The following NTNG1 variants were observed in gnomAD, a reference collection of about 807,000 sequenced individuals.
The protein encoded by NTNG1 is netrin G1, also known as netrin-G1.
NTNG1 carries 16 observed loss-of-function variants against 54.0 expected under a neutral mutation model. The observed-to-expected ratio is 0.30, with a 90% CI of 0.20 to 0.45. The LOEUF (loss-of-function observed/expected upper bound fraction) is 0.45, where lower values mean the gene tolerates loss of function less well. NTNG1 is among the 20% of genes least tolerant of loss of function. The pLI is 1.00. For missense variants in NTNG1, 530 were observed against 678.7 expected, an observed-to-expected ratio of 0.78 and a Z score of 2.43; for synonymous variants, 255 against 263.1, an observed-to-expected ratio of 0.97 and a Z score of 0.30.
intron 2 of NTNG1, among the ~76,000 whole-genome samples, chr1:107,157,396 A>C (rs1655080753): frequency 6.6e-6 from 1 of 152,188 alleles, no homozygotes; most frequent in African/African-American, 2.4e-5. Context: ...TCCACCAGAA[A>C]GATAGAGAAA....
intron 5 of NTNG1, among the ~76,000 whole-genome samples, chr1:107,424,008 T>TA (rs1189439468): frequency 6.6e-6 from 1 of 152,154 alleles, no homozygotes; most frequent in East Asian, 1.9e-4. Flanking sequence ...GTTCTGTAGT[T>TA]ATAATTGTGC....
At chr1:107,323,982 TAGAC>T (rs1416386275) in intron 2 of NTNG1, among the ~76,000 whole-genome samples, 4 of 152,096 alleles carry the variant, frequency 2.6e-5, no homozygotes, top group Admixed American at 2.0e-4. Context: ...ATTGAGCTGT[TAGAC>T]AGTTGCTCGG....
At chr1:107,147,489 A>T (rs1654213738) in intron 1 of NTNG1, among the ~76,000 whole-genome samples, 1 of 151,882 alleles carries the variant, frequency 6.6e-6, no homozygotes, top group Admixed American at 6.6e-5. Flanking sequence ...GAGCCAACTT[A>T]TCTTTATTAC....
rs375088247 is a variant in NTNG1, at chr1:107,352,753, C to T, written c.887+27831C>T. ...GCTCACGAGGTCAGGAGTTCTTACA[C>T]ACTCTCTTTGTAATATGCCTGTTCC... is the stretch of plus-strand genomic sequence containing the variant. On this transcript the variant is annotated intron_variant, in intron 3 of 7. Coordinates refer to ENST00000370068, the MANE Select transcript of NTNG1 (RefSeq NM_001113226.3). Among the ~76,000 whole-genome samples, 6 of 152,356 alleles carry T rather than the reference C, an allele frequency of 3.9e-5. No homozygotes were observed. The East Asian group carries it at 9.6e-4, about 24-fold the overall frequency.
intron 2 of NTNG1, among the ~76,000 whole-genome samples, chr1:107,322,652 T>A (rs1475101215): frequency 6.6e-6 from 1 of 152,062 alleles, no homozygotes; most frequent in Non-Finnish European, 1.5e-5. Flanking sequence ...GAACAGAAAC[T>A]TATTTCCCCC....
At chr1:107,450,427 TG>T (rs1676554177) in intron 7 of NTNG1, among the ~76,000 whole-genome samples, 1 of 152,114 alleles carries the variant, frequency 6.6e-6, no homozygotes. Flanking sequence ...TGTCAGAGTA[TG>T]GGCACGCAGT....
At chr1:107,162,657 G>T (rs963785819) in intron 2 of NTNG1, among the ~76,000 whole-genome samples, 8 of 152,050 alleles carry the variant, frequency 5.3e-5, no homozygotes, top group African/African-American at 1.9e-4. Flanking sequence ...TACACAGGGG[G>T]CAACAAATTT....
intron 3 of NTNG1, among the ~76,000 whole-genome samples, chr1:107,362,060 G>A (rs116840202): frequency 0.017 from 2,524 of 152,050 alleles, 66 homozygotes; most frequent in African/African-American, 0.053. Flanking sequence ...GCACTCCCTC[G>A]TCTCATGCTC....
At chr1:107,402,139 T>G (rs1673079565) in intron 4 of NTNG1, among the ~76,000 whole-genome samples, 1 of 152,206 alleles carries the variant, frequency 6.6e-6, no homozygotes, top group African/African-American at 2.4e-5. Flanking sequence ...GTGTTCAGAT[T>G]ATTCAAGTCC....
intron 2 of NTNG1, among the ~76,000 whole-genome samples, chr1:107,219,554 A>T (rs1053424347): frequency 1.3e-5 from 2 of 152,140 alleles, no homozygotes; most frequent in Admixed American, 1.3e-4. Flanking sequence ...CAAAGGGAAG[A>T]TATAGGACTT....
chr1:107,234,837 A>G (rs1435626802), intron 2 of NTNG1, among the ~76,000 whole-genome samples: 4 of 152,222 alleles, frequency 2.6e-5, no homozygotes, highest in Non-Finnish European at 5.9e-5. Flanking sequence ...TTCTAAATTT[A>G]TCAACACTGG....
intron 2 of NTNG1, among the ~76,000 whole-genome samples, chr1:107,291,443 A>G (rs1448059405): frequency 6.6e-6 from 1 of 152,162 alleles, no homozygotes; most frequent in East Asian, 1.9e-4. Context: ...AGCACCCCTA[A>G]CCCATGTGTC....
At position 107,404,304 on chromosome 1, in the gene NTNG1, T is replaced by A. The variant is rs545550877; in HGVS notation, c.1061-3378T>A. Among the ~76,000 whole-genome samples, 8 of 152,232 alleles carry A rather than the reference T, an allele frequency of 5.3e-5. No homozygotes were observed. The East Asian group carries it at 1.5e-3, about 29-fold the overall frequency. ...AGAAAATAGGCCAAACATTAAATGC[T>A]AAACAGTTTCCCCAGCTGAGCATCA... On this transcript the variant is annotated intron_variant, in intron 4 of 7. Transcript: ENST00000370068.
intron 2 of NTNG1, among the ~76,000 whole-genome samples, chr1:107,204,575 G>C (rs1404617246): frequency 6.6e-6 from 1 of 152,014 alleles, no homozygotes; most frequent in African/African-American, 2.4e-5. Flanking sequence ...TATCACCCCA[G>C]CCACCATCTG....
At chr1:107,403,323 A>G (rs1394685100) in intron 4 of NTNG1, among the ~76,000 whole-genome samples, 2 of 152,170 alleles carry the variant, frequency 1.3e-5, no homozygotes, top group Admixed American at 6.5e-5. Context: ...AGCTTACTCA[A>G]CACGTATGTA....
intron 3 of NTNG1, among the ~76,000 whole-genome samples, chr1:107,340,255 A>G (rs1181947786): frequency 1.3e-5 from 2 of 152,006 alleles, no homozygotes; most frequent in African/African-American, 4.8e-5. Context: ...CCTTTCCCTA[A>G]GATAGGCATA....
At chr1:107,181,058 C>T (rs1001328689) in intron 2 of NTNG1, among the ~76,000 whole-genome samples, 1 of 152,050 alleles carries the variant, frequency 6.6e-6, no homozygotes, top group Non-Finnish European at 1.5e-5. Flanking sequence ...CCACTTATGC[C>T]GAACTCTTTT....
intron 5 of NTNG1, among the ~76,000 whole-genome samples, chr1:107,413,102 C>T (rs1379065644): frequency 3.6e-5 from 5 of 139,800 alleles, no homozygotes; most frequent in Non-Finnish European, 7.8e-5. Flanking sequence ...TTTGGAGTTT[C>T]CTGTGGATTT....
intron 1 of NTNG1, among the ~76,000 whole-genome samples, chr1:107,145,669 A>G (rs1654049021): frequency 6.6e-6 from 1 of 152,114 alleles, no homozygotes; most frequent in Admixed American, 6.5e-5. Flanking sequence ...AAAACTATTA[A>G]TCACAACTGG....
Sources: gnomAD v4.1 joint callset for allele counts (sites outside exome capture counted in the v4.1 genomes callset) on GRCh38, gnomAD v4.1.1 for gene constraint, MANE v1.5 for transcripts, NCBI Gene and HGNC (gene_info 2026-07-23, HGNC 2026-07-21) for gene names.